SLC7A2: variants seen among roughly 807,000 people sequenced by gnomAD.
SLC7A2 encodes the protein solute carrier family 7 member 2.
SLC7A2 carries 48 observed loss-of-function variants against 58.9 expected under a neutral mutation model. The ratio of observed to expected loss-of-function variants is 0.82; its 90% CI spans 0.65 to 1.04. The LOEUF (loss-of-function observed/expected upper bound fraction) is 1.04. SLC7A2 is among the 50% of genes least tolerant of loss of function. SLC7A2 has a pLI of 0.00. For synonymous variants in SLC7A2, 363 were observed against 314.5 expected (o/e 1.15, Z -1.63); for missense variants, 1,029 against 818.8 (o/e 1.26, Z -3.13).
At chr8:17,507,461 G>A (rs749613622) in intron 2 of SLC7A2, among the ~76,000 whole-genome samples, 9 of 151,920 alleles carry the variant, frequency 5.9e-5, no homozygotes, top group Non-Finnish European at 1.0e-4. Flanking sequence ...TGATCTTCTC[G>A]CCTTGGCCTC....
rs1441161160 is a variant in SLC7A2, at chr8:17,550,446, G to T, written c.832+12G>T. On this transcript the variant is annotated intron_variant, in intron 6 of 12. Transcript: ENST00000494857. The stretch of plus-strand genomic sequence containing the variant: ...CATTGCAACAACTGGTAAGAGCAGT[G>T]TCTTGGCTCAGTGTAGAAGGAGTGT... 5 of 1,611,582 alleles carry T rather than the reference G, an allele frequency of 3.1e-6. No individual in the cohort carries two copies. In the South Asian group the frequency reaches 5.5e-5, roughly 18 times the overall value.
intron 12 of SLC7A2, among the ~76,000 whole-genome samples, chr8:17,564,491 C>A (rs189445507): frequency 1.3e-5 from 2 of 152,310 alleles, no homozygotes; most frequent in East Asian, 3.9e-4. Flanking sequence ...CGGTCCCCAA[C>A]CTTTTTGGCA....
intron 2 of SLC7A2, among the ~76,000 whole-genome samples, chr8:17,522,490 C>G (rs1021994518): frequency 4.6e-5 from 7 of 152,126 alleles, no homozygotes; most frequent in African/African-American, 1.7e-4. Context: ...TTGTTTGTAC[C>G]ACCCTGATAA....
intron 9 of SLC7A2, among the ~76,000 whole-genome samples, chr8:17,559,575 A>C (rs1303430144): frequency 6.6e-6 from 1 of 152,178 alleles, no homozygotes; most frequent in Non-Finnish European, 1.5e-5. Flanking sequence ...TCAAAAAAAA[A>C]CATAACAAAA....
chr8:17,543,467 G>GCGTTGGA lies in SLC7A2; in HGVS notation c.129_135dup (p.Ser46ArgfsTer96). 1 of 1,614,146 alleles carries GCGTTGGA rather than the reference G, an allele frequency of 6.2e-7. No homozygotes were observed. ...TCCACCATGGACCTCATTGCCCTGGGCGTTGGAAGCACCCTTGGGGCCGGG... is the reference window on the plus strand; with the variant it reads ...TCCACCATGGACCTCATTGCCCTGGGCGTTGGACGTTGGAAGCACCCTTGGGGCCGGG... On this transcript the variant is annotated frameshift_variant, in exon 3 of 13. Transcript: ENST00000494857. LOFTEE classifies it high-confidence loss of function.
At chr8:17,550,505 C>A in intron 6 of SLC7A2, 71 bp downstream of exon 6, 2 of 1,439,188 alleles carry the variant, frequency 1.4e-6, no homozygotes, top group Non-Finnish European at 1.9e-6. Context: ...TGTGTGGTAG[C>A]AGAGGGTCCA....
At chr8:17,503,478 G>A (rs1178940126) in intron 2 of SLC7A2, among the ~76,000 whole-genome samples, 2 of 152,186 alleles carry the variant, frequency 1.3e-5, no homozygotes, top group Non-Finnish European at 2.9e-5. Context: ...TTCTAGCAAA[G>A]AGTACTTATT....
chr8:17,537,724 T>C (rs1193217305), intron 2 of SLC7A2, among the ~76,000 whole-genome samples: 1 of 152,140 alleles, frequency 6.6e-6, no homozygotes, highest in Admixed American at 6.5e-5. Context: ...CCACTGGCAG[T>C]CAGAGTGACA....
At chr8:17,506,819 C>T (rs1311923524) in intron 2 of SLC7A2, among the ~76,000 whole-genome samples, 9 of 148,848 alleles carry the variant, frequency 6.0e-5, no homozygotes, top group African/African-American at 1.3e-4. Context: ...GGCGCAATCT[C>T]GGCTCATGTG....
At chr8:17,500,791 C>T (rs1353611876) in intron 1 of SLC7A2, among the ~76,000 whole-genome samples, 1 of 98,834 alleles carries the variant, frequency 1.0e-5, no homozygotes, top group East Asian at 4.5e-4. Flanking sequence ...TCTGTCTCAA[C>T]ACACACATAC....
chr8:17,528,953 T>G (rs886977302), intron 2 of SLC7A2, among the ~76,000 whole-genome samples: 1 of 151,662 alleles, frequency 6.6e-6, no homozygotes, highest in Non-Finnish European at 1.5e-5. Context: ...CTGTCGGGGA[T>G]GAAAGGAATT....
intron 2 of SLC7A2, among the ~76,000 whole-genome samples, chr8:17,534,447 A>C (rs1426566016): frequency 6.6e-6 from 1 of 152,176 alleles, no homozygotes; most frequent in Non-Finnish European, 1.5e-5. Context: ...GAGGAGGGTT[A>C]CTGAACTGTG....
At chr8:17,548,245 G>A (rs186337846) in intron 4 of SLC7A2, among the ~76,000 whole-genome samples, 1 of 152,310 alleles carries the variant, frequency 6.6e-6, no homozygotes, top group Admixed American at 6.5e-5. Flanking sequence ...GGTGGCTGAG[G>A]TGAGAGAATT....
intron 12 of SLC7A2, 78 bp from the exon 13 acceptor site, chr8:17,564,872 C>A: frequency 1.7e-6 from 2 of 1,195,310 alleles, no homozygotes; most frequent in African/African-American, 1.5e-5. Flanking sequence ...TTAAGTTCTA[C>A]ATTTTCCACC....
intron 4 of SLC7A2, among the ~76,000 whole-genome samples, chr8:17,548,177 C>T (rs965173394): frequency 7.2e-5 from 11 of 152,130 alleles, no homozygotes; most frequent in Non-Finnish European, 1.0e-4. Context: ...CCCAACCCTA[C>T]GAAAAATACA....
chr8:17,526,442 A>G (rs1249734875), intron 2 of SLC7A2, among the ~76,000 whole-genome samples: 2 of 152,152 alleles, frequency 1.3e-5, no homozygotes, highest in Non-Finnish European at 2.9e-5. Flanking sequence ...GGAGGACAGG[A>G]CGCATGATGG....
intron 2 of SLC7A2, among the ~76,000 whole-genome samples, chr8:17,530,867 C>T (rs1801423613): frequency 1.3e-5 from 2 of 152,110 alleles, no homozygotes; most frequent in Admixed American, 6.5e-5. Flanking sequence ...CTACTGCATC[C>T]AGCCAGTAAG....
rs780656913 is a variant in SLC7A2, at chr8:17,544,530, A to G, written c.456A>G (p.Thr152=). 5.0e-6 allele frequency: 8 copies of G among 1,614,008 alleles called. No homozygotes were observed. Among genetic ancestry groups the G allele is most frequent in the Non-Finnish European group, 5.9e-6 (7 of 1,179,912 alleles). ...LSKQIGQFLR[T]YFRMNYTGLA... ...AACAGATTGGTCAGTTTTTGAGGACATACTTCAGAATGAATTACACTGGTC... is the reference window on the plus strand; with the variant it reads ...AACAGATTGGTCAGTTTTTGAGGACGTACTTCAGAATGAATTACACTGGTC... The change falls in exon 4 of 13, where the codon ACA becomes ACG. Residue 152 remains threonine, a synonymous_variant. Transcript: ENST00000494857.
intron 4 of SLC7A2, among the ~76,000 whole-genome samples, chr8:17,545,608 G>T (rs1251692380): frequency 6.6e-6 from 1 of 151,802 alleles, no homozygotes; most frequent in African/African-American, 2.4e-5. Context: ...ATGTTGGCCA[G>T]GCTGGTCTCA....
Sources: gnomAD v4.1 joint callset for allele counts (sites outside exome capture counted in the v4.1 genomes callset) on GRCh38, gnomAD v4.1.1 for gene constraint, MANE v1.5 for transcripts, NCBI Gene and HGNC (gene_info 2026-07-23, HGNC 2026-07-21) for gene names.